Variants in SLC49A3 observed in about 807,000 individuals in gnomAD.
SLC49A3 encodes the protein solute carrier family 49 member 3.
A neutral mutation model predicts 43.8 loss-of-function variants in SLC49A3; 50 were observed. That is an observed-to-expected ratio of 1.14 (90% CI 0.91 to 1.45). The LOEUF is 1.45. Ranked by LOEUF, SLC49A3 falls within the 40% of genes most tolerant of loss-of-function variation. SLC49A3 has a pLI of 0.00. For missense variants in SLC49A3, 906 were observed against 774.1 expected (o/e 1.17, Z -2.02); for synonymous variants, 413 against 352.0 (o/e 1.17, Z -1.94).
At chr4:684,961 C>G in intron 4 of SLC49A3, 105 bp from the exon 5 acceptor site, 1 of 1,441,634 alleles carries the variant, frequency 6.9e-7, no homozygotes, top group South Asian at 1.3e-5. Flanking sequence ...CCTGCCCCAC[C>G]ACCGGCTGCC....
At chr4:678,443 C>T, downstream of SLC49A3, 3 of 1,427,680 alleles carry the variant, frequency 2.1e-6, no homozygotes, top group South Asian at 4.5e-5. Context: ...GTCCCTCCCC[C>T]AGTCCCTGTG....
Position 686,072 on chromosome 4 carries a change from C to G in SLC49A3, c.508+17G>C. Reference sequence around the variant, plus strand: ...TGAGGTGAGCCCAGGCAGGCGGCCTCCCTCCCCGGAACTCACACATGGTGG... The same window carrying G: ...TGAGGTGAGCCCAGGCAGGCGGCCTGCCTCCCCGGAACTCACACATGGTGG... On this transcript the variant is annotated intron_variant, in intron 3 of 9. Transcript: ENST00000322224. 2 of 1,612,552 alleles carry G rather than the reference C, an allele frequency of 1.2e-6. No homozygotes were observed. The highest frequency in any genetic ancestry group is 1.7e-6 in the Non-Finnish European group (2 of 1,179,806).
rs76052398 is a variant in SLC49A3, at chr4:681,988, G to A, written c.1650C>T (p.Ser550=). The A allele has an allele frequency of 2.1e-6, 3 of 1,410,370 alleles. No homozygotes were observed. Among genetic ancestry groups the A allele is most frequent in the African/African-American group, 3.0e-5 (2 of 67,354 alleles). 87.4% of individuals were successfully genotyped at this position (1,410,370 alleles called of 1,614,324 possible). A position where few individuals can be genotyped will look rare whatever the true frequency, so the allele number is the denominator to read the frequency against. The change falls in exon 10 of 10, where the codon TCC becomes TCT. Residue 550 remains serine (S), a synonymous_variant. Coordinates refer to ENST00000322224, the MANE Select transcript of SLC49A3 (RefSeq NM_032219.4). Reference sequence around the variant, plus strand: ...TGATCACCCACGGGGAGGAGAAGGAGGAGTGAGACCCAGCCGGGTCAATAA... The same window carrying A: ...TGATCACCCACGGGGAGGAGAAGGAAGAGTGAGACCCAGCCGGGTCAATAA... ...SRFIDPAGSH[S]SFSSPWVIT
Position 682,116 on chromosome 4 carries a change from G to A in SLC49A3, c.1522C>T (p.His508Tyr), listed in dbSNP as rs1027382670. 2.4e-5 allele frequency: 32 copies of A among 1,357,274 alleles called. 1 individual carries two copies. Among genetic ancestry groups the A allele is most frequent in the Non-Finnish European group, 1.1e-5 (11 of 1,043,234 alleles). 84.1% of individuals were successfully genotyped at this position (1,357,274 alleles called of 1,614,324 possible). A position where few individuals can be genotyped will look rare whatever the true frequency, so the allele number is the denominator to read the frequency against. ...LEDPRGPGSP[H>Y]PACHRATPRA... Reference sequence around the variant, plus strand: ...GGAGTCGCTCGGTGGCAGGCTGGGTGGGGGCTCCCGGGCCCTCTGGGGTCC... The same window carrying A: ...GGAGTCGCTCGGTGGCAGGCTGGGTAGGGGCTCCCGGGCCCTCTGGGGTCC... The change falls in exon 10 of 10, where the codon CAC becomes TAC. Residue 508 changes from histidine (H) to tyrosine (Y), a missense_variant. His to Tyr is a moderately conservative substitution (Grantham distance 83). Transcript: ENST00000322224.
At chr4:681,173 A>G, downstream of SLC49A3, 1 of 1,592,032 alleles carries the variant, frequency 6.3e-7, no homozygotes, top group Non-Finnish European at 8.5e-7. Flanking sequence ...CAAGCCCACG[A>G]GGGGAGGGCG....
In SLC49A3 at chr4:683,588, T is replaced by G. The variant is rs182710064; in HGVS notation, c.993+21A>C. The G allele has an allele frequency of 9.3e-3, 14,266 of 1,542,148 alleles. 76 individuals are homozygous for G. Among genetic ancestry groups the G allele is most frequent in the Non-Finnish European group, 0.011 (12,836 of 1,130,110 alleles). The stretch of plus-strand genomic sequence containing the variant: ...ACCCACCCACCCCCACAGGGCAGTC[T>G]TGGCTTGAGGAGACCCTCACCAGGG... On this transcript the variant is annotated intron_variant, in intron 7 of 9. Transcript: ENST00000322224.
At chr4:677,562 C>T (rs1738972658), downstream of SLC49A3, among the ~76,000 whole-genome samples, 1 of 152,216 alleles carries the variant, frequency 6.6e-6, no homozygotes, top group Non-Finnish European at 1.5e-5. Flanking sequence ...GGCGTGGACA[C>T]CCCTGACAGA....
At chr4:680,884 C>T (rs941105124), downstream of SLC49A3, 8 of 656,168 alleles carry the variant, frequency 1.2e-5, no homozygotes, top group African/African-American at 3.7e-5. Context: ...TAACCTCCTT[C>T]CGGCTCTGTC....
chr4:682,673 C>G (rs934011931), intron 9 of SLC49A3, 108 bp downstream of exon 9: 5 of 887,148 alleles, frequency 5.6e-6, no homozygotes, highest in Non-Finnish European at 8.3e-6. Context: ...GCTCACCTGT[C>G]CTGCTGTTTA....
intron 4 of SLC49A3, 39 bp from the exon 5 acceptor site, chr4:684,895 C>G: frequency 6.3e-7 from 1 of 1,594,448 alleles, no homozygotes; most frequent in Non-Finnish European, 8.5e-7. Flanking sequence ...ACCACGCAGA[C>G]TGGCACCCAC....
At chr4:691,051 C>A (rs1741846213), upstream of SLC49A3, among the ~76,000 whole-genome samples, 1 of 152,186 alleles carries the variant, frequency 6.6e-6, no homozygotes, top group Non-Finnish European at 1.5e-5. Flanking sequence ...CTTTGGGAGG[C>A]CAAGGCAGGT....
chr4:682,100 C>G lies in SLC49A3; in HGVS notation c.1538G>C (p.Arg513Pro). 7.3e-7 allele frequency: 1 copy of G among 1,375,226 alleles called. No homozygotes were observed. 85.2% of individuals were successfully genotyped at this position (1,375,226 alleles called of 1,614,324 possible). ...GPGSPHPACH[R>P]ATPRAQGPAA... is the part of the protein sequence containing the mutation. Reference sequence around the variant, plus strand: ...TGGGCCTTGCGCACGGGGAGTCGCTCGGTGGCAGGCTGGGTGGGGGCTCCC... The same window carrying G: ...TGGGCCTTGCGCACGGGGAGTCGCTGGGTGGCAGGCTGGGTGGGGGCTCCC... Residue 513 changes from arginine to proline, a missense_variant, in exon 10 of 10, where the codon CGA becomes CCA. By Grantham distance (103) the Arg-to-Pro change is moderately radical (BLOSUM62 -2). Coordinates refer to ENST00000322224, the MANE Select transcript of SLC49A3 (RefSeq NM_032219.4).
downstream of SLC49A3, among the ~76,000 whole-genome samples, chr4:681,375 C>A (rs1739490077): frequency 6.6e-6 from 1 of 152,056 alleles, no homozygotes; most frequent in Non-Finnish European, 1.5e-5. Flanking sequence ...GAGACCCCTC[C>A]GCGGCCTGAG....
In SLC49A3 at chr4:685,661, G is replaced by A. The variant is rs1020296835; in HGVS notation, c.585+174C>T. Among the ~76,000 whole-genome samples, 3 of 152,046 alleles carry A rather than the reference G, an allele frequency of 2.0e-5. No individual in the cohort carries two copies. The highest frequency in any genetic ancestry group is 4.4e-5 in the Non-Finnish European group (3 of 68,018). On this transcript the variant is annotated intron_variant, in intron 4 of 9. Transcript: ENST00000322224. The surrounding 1 kb of genome is among the most constrained non-coding windows in gnomAD (Gnocchi z 4.3). Reference sequence around the variant, plus strand: ...GCGGAGGTTGCAGTGAGCCGAGATCGCGCCACTGCAATTCAGCCTGAGCGA... The same window carrying A: ...GCGGAGGTTGCAGTGAGCCGAGATCACGCCACTGCAATTCAGCCTGAGCGA...
At chr4:684,912 C>T (rs921895393) in intron 4 of SLC49A3, 56 bp from the exon 5 acceptor site, 41 of 1,559,354 alleles carry the variant, frequency 2.6e-5, no homozygotes, top group Middle Eastern at 2.2e-4. Flanking sequence ...CCACACACGC[C>T]GCAGCCCTGC....
upstream of SLC49A3, among the ~76,000 whole-genome samples, chr4:690,813 G>C (rs1741821725): frequency 6.6e-6 from 1 of 152,382 alleles, no homozygotes; most frequent in Middle Eastern, 3.4e-3. Context: ...CTCTTGGGTT[G>C]AGCAGGTGAG....
At chr4:683,155 G>A (rs776423053) in intron 8 of SLC49A3, 55 bp downstream of exon 8, 14 of 1,606,318 alleles carry the variant, frequency 8.7e-6, no homozygotes, top group Non-Finnish European at 1.2e-5. Flanking sequence ...AGGGGTGTAG[G>A]GGTGGAGCAA....
Position 684,570 on chromosome 4 carries a change from C to T in SLC49A3, c.753G>A (p.Leu251=). Residue 251 remains leucine, a synonymous_variant, in exon 6 of 10, where the codon CTG becomes CTA. Transcript: ENST00000322224. ...LLMWNKAYVI[L]AVCLGGMIGI... ...CGATCATTCCCCCCAAGCACACAGCCAGGATGACATAGGCCTTGTTCCACA... is the reference window on the plus strand; with the variant it reads ...CGATCATTCCCCCCAAGCACACAGCTAGGATGACATAGGCCTTGTTCCACA... 1 of 1,613,164 alleles carries T rather than the reference C, an allele frequency of 6.2e-7. No individual in the cohort carries two copies. The highest frequency in any genetic ancestry group is 1.1e-5 in the South Asian group (1 of 91,086).
chr4:681,612 C>G (rs192959671), downstream of SLC49A3, among the ~76,000 whole-genome samples: 9,406 of 104,218 alleles, frequency 0.09, 740 homozygotes, highest in African/African-American at 0.098. Context: ...CCCGCCCCCT[C>G]CAGCGCCGCC....
Sources: allele counts gnomAD v4.1 joint callset (sites outside exome capture counted in the v4.1 genomes callset), GRCh38; gene constraint gnomAD v4.1.1; non-coding constraint Gnocchi (gnomAD v3.1); transcripts MANE v1.5; gene names NCBI Gene and HGNC (gene_info 2026-07-23, HGNC 2026-07-21).